Variants in VPS13B observed in about 807,000 individuals in gnomAD.
The protein encoded by VPS13B is vacuolar protein sorting 13 homolog B.
A neutral mutation model predicts 426.4 loss-of-function variants in VPS13B; 285 were observed. The observed-to-expected ratio is 0.67, with a 90% confidence interval of 0.61 to 0.74. The LOEUF is 0.74. VPS13B is among the 30% of genes least tolerant of loss of function. The pLI, the probability that VPS13B is intolerant of heterozygous loss-of-function variation, is 0.00. For synonymous variants in VPS13B, 1,676 were observed against 1,676.4 expected (o/e 1.00, Z 0.01); for missense variants, 4,537 against 4,782.6 (o/e 0.95, Z 1.51).
intron 31 of VPS13B, among the ~76,000 whole-genome samples, chr8:99,573,098 C>G (rs1346866020): frequency 6.6e-6 from 1 of 152,168 alleles, no homozygotes; most frequent in Non-Finnish European, 1.5e-5. Flanking sequence ...GCATAAATGT[C>G]TTCTTTTGAG....
intron 33 of VPS13B, among the ~76,000 whole-genome samples, chr8:99,588,772 G>A (rs1355711498): frequency 1.3e-5 from 2 of 151,710 alleles, no homozygotes; most frequent in African/African-American, 2.4e-5. Context: ...GGGACAATTT[G>A]ACTTCCTCAC....
intron 19 of VPS13B, among the ~76,000 whole-genome samples, chr8:99,333,848 T>C (rs999908511): frequency 6.6e-5 from 10 of 152,054 alleles, no homozygotes; most frequent in Non-Finnish European, 5.9e-5. Flanking sequence ...TATCAGTGTC[T>C]AGTGTTTTAC....
At chr8:99,501,664 A>ATT in intron 25 of VPS13B, 23 bp from the exon 26 acceptor site, 7 of 1,604,080 alleles carry the variant, frequency 4.4e-6, no homozygotes, top group African/African-American at 1.3e-5. Context: ...ACAAAGTAAG[A>ATT]TTTTTTTTTC....
intron 16 of VPS13B, among the ~76,000 whole-genome samples, chr8:99,178,109 T>A (rs1812735530): frequency 6.6e-6 from 1 of 152,002 alleles, no homozygotes; most frequent in South Asian, 2.1e-4. Flanking sequence ...CCTTTAAATT[T>A]TTTTCTTAAC....
intron 19 of VPS13B, among the ~76,000 whole-genome samples, chr8:99,330,306 A>G (rs1385943573): frequency 6.6e-6 from 1 of 151,930 alleles, no homozygotes; most frequent in African/African-American, 2.4e-5. Context: ...CCATTCATAG[A>G]GAATGAATGA....
intron 39 of VPS13B, among the ~76,000 whole-genome samples, chr8:99,739,478 G>A (rs1192230002): frequency 1.3e-5 from 2 of 152,306 alleles, no homozygotes; most frequent in African/African-American, 2.4e-5. Context: ...GAGAGTAGTG[G>A]TTCTCCCTGC....
chr8:99,846,222 G>A (rs1012942799), intron 54 of VPS13B, among the ~76,000 whole-genome samples: 14 of 152,310 alleles, frequency 9.2e-5, no homozygotes, highest in Non-Finnish European at 1.0e-4. Flanking sequence ...CTTACACAGA[G>A]TCCATGATGG....
At chr8:99,391,729 A>G (rs909263627) in intron 21 of VPS13B, 25 bp downstream of exon 21, 1 of 1,612,046 alleles carries the variant, frequency 6.2e-7, no homozygotes, top group African/African-American at 1.3e-5. Context: ...CTGTAAAGGG[A>G]CTATGATTGT....
chr8:99,689,958 C>A (rs183155273), intron 35 of VPS13B, among the ~76,000 whole-genome samples: 1 of 152,248 alleles, frequency 6.6e-6, no homozygotes, highest in East Asian at 1.9e-4. Context: ...GTTTCAGGAT[C>A]GAACATCTGA....
intron 43 of VPS13B, among the ~76,000 whole-genome samples, chr8:99,802,295 TG>T (rs1435397612): frequency 2.0e-5 from 3 of 152,104 alleles, no homozygotes; most frequent in Admixed American, 1.3e-4. Context: ...ACTACAGAGA[TG>T]AACTGAAGAT....
intron 23 of VPS13B, among the ~76,000 whole-genome samples, chr8:99,463,278 A>G (rs966390048): frequency 6.6e-6 from 1 of 152,214 alleles, no homozygotes; most frequent in Non-Finnish European, 1.5e-5. Flanking sequence ...TTAGAGTATT[A>G]TATTTCTTTA....
chr8:99,646,416 T>C (rs1211479203), intron 34 of VPS13B, among the ~76,000 whole-genome samples: 2 of 152,070 alleles, frequency 1.3e-5, no homozygotes, highest in African/African-American at 4.8e-5. Context: ...TCTGAGCTAT[T>C]GAGAAGGCTG....
intron 25 of VPS13B, among the ~76,000 whole-genome samples, chr8:99,492,462 C>T (rs1820661006): frequency 6.6e-6 from 1 of 152,230 alleles, no homozygotes; most frequent in Non-Finnish European, 1.5e-5. Flanking sequence ...TCAGTATGCC[C>T]TGCCCACAGA....
At chr8:99,382,858 T>G (rs1197221127) in intron 19 of VPS13B, among the ~76,000 whole-genome samples, 1 of 152,196 alleles carries the variant, frequency 6.6e-6, no homozygotes. Context: ...CTGTGTCTGA[T>G]AGCAGTGGTG....
chr8:99,271,927 A>G lies in VPS13B; in HGVS notation c.2516-2271A>G, dbSNP rs1407114626. Reference sequence around the variant, plus strand: ...GGGTGGGGACACAAAGCTAAACAATATCATAAGGGTTGATTTGGGACAAGG... The same window carrying G: ...GGGTGGGGACACAAAGCTAAACAATGTCATAAGGGTTGATTTGGGACAAGG... On this transcript the variant is annotated intron_variant, in intron 17 of 61. Coordinates refer to ENST00000357162, the MANE Select transcript of VPS13B (RefSeq NM_152564.5). 2.6e-5 allele frequency among the ~76,000 whole-genome samples: 4 copies of G among 152,298 alleles called. No homozygotes were observed. In the East Asian group the frequency reaches 7.7e-4, roughly 29 times the overall value.
chr8:99,837,435 G>A (rs908822409), intron 54 of VPS13B, among the ~76,000 whole-genome samples: 1 of 152,306 alleles, frequency 6.6e-6, no homozygotes, highest in Admixed American at 6.5e-5. Flanking sequence ...TCCCCTGCAT[G>A]GGTTTGAAGA....
intron 34 of VPS13B, among the ~76,000 whole-genome samples, chr8:99,657,116 T>C (rs139614714): frequency 1.4e-4 from 21 of 152,304 alleles, no homozygotes; most frequent in Middle Eastern, 6.8e-3. Context: ...TATGGCCAGT[T>C]GGTTTATTGT....
At chr8:99,741,645 A>G (rs2130477165) in intron 39 of VPS13B, among the ~76,000 whole-genome samples, 1 of 152,382 alleles carries the variant, frequency 6.6e-6, no homozygotes, top group Admixed American at 6.5e-5. Flanking sequence ...CAGTGCAATC[A>G]AACTAGAACT....
intron 17 of VPS13B, chr8:99,209,682 G>C (rs1353053392): frequency 1.0e-6 from 1 of 961,350 alleles, no homozygotes; most frequent in Non-Finnish European, 1.3e-6. Context: ...GCCGGGATTG[G>C]AGGCCCAAGC....
Sources: allele counts gnomAD v4.1 joint callset (sites outside exome capture counted in the v4.1 genomes callset), GRCh38; gene constraint gnomAD v4.1.1; transcripts MANE v1.5; gene names NCBI Gene and HGNC (gene_info 2026-07-23, HGNC 2026-07-21).